Variants in PIAS2 observed in about 807,000 individuals in gnomAD.
PIAS2 encodes E3 SUMO-protein ligase PIAS2.
Under a neutral mutation model 69.7 loss-of-function variants are expected in PIAS2, and 19 were observed. That is an observed-to-expected ratio of 0.27 (90% CI 0.19 to 0.40). The LOEUF (loss-of-function observed/expected upper bound fraction) is 0.40, where lower values mean the gene tolerates loss of function less well. PIAS2 is among the 10% of genes least tolerant of loss of function. The pLI is 1.00. For synonymous variants in PIAS2, 261 were observed against 263.2 expected, an observed-to-expected ratio of 0.99 and a Z score of 0.08; for missense variants, 624 against 757.0, an observed-to-expected ratio of 0.82 and a Z score of 2.06.
intron 2 of PIAS2, among the ~76,000 whole-genome samples, chr18:46,889,901 T>C (rs531093065): frequency 6.6e-6 from 1 of 152,290 alleles, no homozygotes; most frequent in Admixed American, 6.5e-5. Flanking sequence ...ACAGCTAAAA[T>C]AATTAAGGTT....
In PIAS2 at chr18:46,881,367, A is replaced by G. The variant is rs1054132347; in HGVS notation, c.499+9213T>C. 2.0e-5 allele frequency among the ~76,000 whole-genome samples: 3 copies of G among 152,238 alleles called. No individual in the cohort carries two copies. The East Asian group carries it at 5.8e-4, about 29-fold the overall frequency. ...TTAAATAAATCTGATTAAATTAGAA[A>G]AACTTTGGTGTATGTAATGGGATTA... is the stretch of plus-strand genomic sequence containing the variant. On this transcript the variant is annotated intron_variant, in intron 2 of 13. Coordinates refer to ENST00000585916, the MANE Select transcript of PIAS2 (RefSeq NM_004671.5).
At position 46,888,145 on chromosome 18, in the gene PIAS2, G is replaced by A. The variant is rs150150159; in HGVS notation, c.499+2435C>T. Among the ~76,000 whole-genome samples the A allele has an allele frequency of 5.2e-3, 796 of 151,976 alleles. 5 individuals are homozygous for A. The highest frequency in any genetic ancestry group is 0.018 in the African/African-American group (737 of 41,440). ...GAAAAAATATTTCAAAATTAACCACGAAAATGAAAACCTGTACAATAACAA... is the reference window on the plus strand; with the variant it reads ...GAAAAAATATTTCAAAATTAACCACAAAAATGAAAACCTGTACAATAACAA... On this transcript the variant is annotated intron_variant, in intron 2 of 13. Coordinates refer to ENST00000585916, the MANE Select transcript of PIAS2 (RefSeq NM_004671.5).
chr18:46,811,741 A>G lies in PIAS2; in HGVS notation c.*692T>C, dbSNP rs1311958914. On this transcript the variant is annotated 3_prime_UTR_variant, in exon 14 of 14. Transcript: ENST00000585916. ...TGCTTTTAAACATAATCACCAATGA[A>G]GAGTAGCCAAATCCCAGAACTTCAC... 2 of 152,272 alleles carry G rather than the reference A, an allele frequency of 1.3e-5. No individual in the cohort carries two copies. Among genetic ancestry groups the G allele is most frequent in the Non-Finnish European group, 2.9e-5 (2 of 68,050 alleles). 9.4% of individuals were successfully genotyped at this position (152,272 alleles called of 1,614,324 possible).
chr18:46,829,736 T>C lies in PIAS2; in HGVS notation c.1334A>G (p.Glu445Gly). The change falls in exon 10 of 14, where the codon GAA becomes GGA. Residue 445 changes from glutamate to glycine, a missense_variant and splice_region_variant. This residue lies in a region of PIAS2 where 241 missense variants were observed against 257.3 expected (regional missense o/e 0.94). Coordinates refer to ENST00000585916, the MANE Select transcript of PIAS2 (RefSeq NM_004671.5). ...CTCTGCTGCTATTCTACACATACTT[T>C]CTATTTTTGTACACGGTTGGCTGGA... ...KVSSQPCTKI[E>G]SSSVLSKPCS... is the part of the protein sequence containing the mutation. 1 of 1,612,378 alleles carries C rather than the reference T, an allele frequency of 6.2e-7. No homozygotes were observed. The highest frequency in any genetic ancestry group is 8.5e-7 in the Non-Finnish European group (1 of 1,179,246).
intron 2 of PIAS2, among the ~76,000 whole-genome samples, chr18:46,878,968 G>A (rs982196566): frequency 2.0e-5 from 3 of 152,210 alleles, no homozygotes; most frequent in African/African-American, 7.2e-5. Context: ...TAAACCAAGA[G>A]GTTTTTTAGG....
At chr18:46,849,242 G>A (rs2046609946) in intron 5 of PIAS2, among the ~76,000 whole-genome samples, 1 of 152,118 alleles carries the variant, frequency 6.6e-6, no homozygotes, top group Admixed American at 6.5e-5. Context: ...AGCATAAAGT[G>A]TTTTCAATCT....
chr18:46,817,410 G>T, intron 12 of PIAS2: 1 of 964,986 alleles, frequency 1.0e-6, no homozygotes, highest in Non-Finnish European at 1.2e-6. Flanking sequence ...TATTTTAATT[G>T]AAATTAAAAA....
Position 46,895,298 on chromosome 18 carries a change from C to T in PIAS2, c.25-4244G>A, listed in dbSNP as rs189244043. 3.4e-3 allele frequency among the ~76,000 whole-genome samples: 517 copies of T among 152,170 alleles called. 1 individual carries two copies. The highest frequency in any genetic ancestry group is 0.01 in the Middle Eastern group (3 of 294). On this transcript the variant is annotated intron_variant, in intron 1 of 13. Coordinates refer to ENST00000585916, the MANE Select transcript of PIAS2 (RefSeq NM_004671.5). ...CCCATCTGCTATGATGTATATAATA[C>T]AGGAGAAGACGAGAAGCTGCTGAGG...
intron 1 of PIAS2, among the ~76,000 whole-genome samples, chr18:46,913,925 G>A (rs2057529339): frequency 6.6e-6 from 1 of 152,302 alleles, no homozygotes; most frequent in African/African-American, 2.4e-5. Flanking sequence ...GCCTCTCAAA[G>A]CGCTGGAATT....
chr18:46,908,550 A>G (rs982766080), intron 1 of PIAS2, among the ~76,000 whole-genome samples: 4 of 152,148 alleles, frequency 2.6e-5, no homozygotes, highest in Non-Finnish European at 5.9e-5. Context: ...GTAAAAAAAA[A>G]ACAAAAACAA....
intron 3 of PIAS2, among the ~76,000 whole-genome samples, chr18:46,859,422 C>G (rs1229109788): frequency 9.9e-6 from 1 of 101,250 alleles, no homozygotes; most frequent in East Asian, 2.5e-4. Flanking sequence ...AGCGAGACTC[C>G]GTCTCAAAAA....
In PIAS2 at chr18:46,899,301, A is replaced by G. The variant is rs555771753; in HGVS notation, c.25-8247T>C. On this transcript the variant is annotated intron_variant, in intron 1 of 13. Coordinates refer to ENST00000585916, the MANE Select transcript of PIAS2 (RefSeq NM_004671.5). ...AAGGCCTCACTGAAATAGTAACTGA[A>G]TAAGTAACTGAAGCAGGAGGAAAGC... 2.0e-4 allele frequency among the ~76,000 whole-genome samples: 31 copies of G among 152,342 alleles called. 4 individuals carry two copies. In the South Asian group the frequency reaches 5.8e-3, roughly 29 times the overall value.
At position 46,864,187 on chromosome 18, in the gene PIAS2, T is replaced by C. The variant is rs1458722175; in HGVS notation, c.561A>G (p.Gln187=). 1 of 1,589,106 alleles carries C rather than the reference T, an allele frequency of 6.3e-7. No individual in the cohort carries two copies. The highest frequency in any genetic ancestry group is 8.6e-7 in the Non-Finnish European group (1 of 1,163,752). Reference sequence around the variant, plus strand: ...ACCTGGATATGCATATCTCTCTAACTTGTTGAGGTGTCAAAGCAAAAATAA... The same window carrying C: ...ACCTGGATATGCATATCTCTCTAACCTGTTGAGGTGTCAAAGCAAAAATAA... ...KFFIFALTPQ[Q]VREICISRDF... Residue 187 remains glutamine, a synonymous_variant, in exon 3 of 14, where the codon CAA becomes CAG. Transcript: ENST00000585916.
intron 12 of PIAS2, chr18:46,816,139 A>G (rs1424223856): frequency 1.6e-5 from 16 of 984,902 alleles, no homozygotes; most frequent in Non-Finnish European, 1.8e-5. Context: ...ACATTAAAAA[A>G]GAAACCATAG....
intron 9 of PIAS2, among the ~76,000 whole-genome samples, chr18:46,833,645 C>T (rs930254925): frequency 6.6e-6 from 1 of 152,098 alleles, no homozygotes; most frequent in Non-Finnish European, 1.5e-5. Context: ...TTCAAGTGAA[C>T]ATGGCAGAAT....
At chr18:46,869,204 G>A (rs1652770853) in intron 2 of PIAS2, among the ~76,000 whole-genome samples, 1 of 152,210 alleles carries the variant, frequency 6.6e-6, no homozygotes, top group South Asian at 2.1e-4. Flanking sequence ...TTCCCGTGAG[G>A]GAAGCAGCCA....
chr18:46,918,870 A>G (rs1004427180), upstream of PIAS2, among the ~76,000 whole-genome samples: 2 of 151,946 alleles, frequency 1.3e-5, no homozygotes, highest in African/African-American at 4.8e-5. Context: ...CACATCCCAC[A>G]TTTTAATTCA....
intron 8 of PIAS2, among the ~76,000 whole-genome samples, chr18:46,842,009 A>G (rs2045470310): frequency 6.6e-6 from 1 of 152,114 alleles, no homozygotes; most frequent in Non-Finnish European, 1.5e-5. Context: ...TGGGCAGATC[A>G]CTTGAGGTCA....
At position 46,855,103 on chromosome 18, in the gene PIAS2, TAAAAAA is replaced by T. The variant is rs59957336; in HGVS notation, c.726+236_726+241del. On this transcript the variant is annotated intron_variant, in intron 5 of 13. Coordinates refer to ENST00000585916, the MANE Select transcript of PIAS2 (RefSeq NM_004671.5). The stretch of plus-strand genomic sequence containing the variant: ...GGAACACAGTAGGACCTTGTCTCTT[TAAAAAA>T]AAAAAAAAAAAAAAAAAAAAAATTC... 3.3e-4 allele frequency among the ~76,000 whole-genome samples: 25 copies of T among 76,344 alleles called. 1 individual carries two copies. The highest frequency in any genetic ancestry group is 1.1e-3 in the African/African-American group (19 of 17,308). The allele number at this position is 76,344 out of a possible 152,430, so 50.1% of individuals were successfully genotyped here.
Sources: allele counts gnomAD v4.1 joint callset (sites outside exome capture counted in the v4.1 genomes callset), GRCh38; gene constraint gnomAD v4.1.1; regional missense constraint gnomAD v4.1.1; transcripts MANE v1.5; gene names NCBI Gene and HGNC (gene_info 2026-07-23, HGNC 2026-07-21).